TAFA2: variants seen among roughly 807,000 people sequenced by gnomAD.
TAFA2 encodes chemokine-like protein TAFA-2.
A neutral mutation model predicts 18.8 loss-of-function variants in TAFA2; 7 were observed. The observed-to-expected ratio is 0.37, with a 90% confidence interval of 0.21 to 0.70. The LOEUF (loss-of-function observed/expected upper bound fraction) is 0.70, where lower values mean the gene tolerates loss of function less well. Among genes scored for constraint, TAFA2 ranks in the 30% least tolerant of loss-of-function variants. TAFA2 has a pLI of 0.53. For missense variants in TAFA2, 122 were observed against 158.1 expected (o/e 0.77, Z 1.23); for synonymous variants, 60 against 54.2 (o/e 1.11, Z -0.47).
At chr12:62,092,359 G>A (rs1275884617) in intron 1 of TAFA2, among the ~76,000 whole-genome samples, 1 of 151,864 alleles carries the variant, frequency 6.6e-6, no homozygotes, top group Admixed American at 6.6e-5. Context: ...CTCCTTGAAG[G>A]AGTTATTTAA....
At chr12:61,938,295 C>T (rs1185802572) in intron 1 of TAFA2, among the ~76,000 whole-genome samples, 1 of 147,344 alleles carries the variant, frequency 6.8e-6, no homozygotes, top group East Asian at 2.0e-4. Flanking sequence ...ATTAGTAAAA[C>T]CTCCTTAGAA....
chr12:61,935,170 T>A (rs1353349163), intron 1 of TAFA2, among the ~76,000 whole-genome samples: 1 of 152,204 alleles, frequency 6.6e-6, no homozygotes, highest in Admixed American at 6.5e-5. Context: ...TGATGGTATA[T>A]TTTATTTTTA....
chr12:61,720,475 A>G (rs1869846244), intron 4 of TAFA2, among the ~76,000 whole-genome samples: 1 of 152,282 alleles, frequency 6.6e-6, no homozygotes, highest in African/African-American at 2.4e-5. Flanking sequence ...TACGGGCCTC[A>G]CATCAGTTTA....
At chr12:61,740,938 A>G (rs1276142304) in intron 4 of TAFA2, among the ~76,000 whole-genome samples, 2 of 151,890 alleles carry the variant, frequency 1.3e-5, no homozygotes, top group Non-Finnish European at 2.9e-5. Context: ...AACAAGTTCA[A>G]TATTAAACAT....
At chr12:61,822,870 C>T (rs1196767327) in intron 2 of TAFA2, among the ~76,000 whole-genome samples, 1 of 152,066 alleles carries the variant, frequency 6.6e-6, no homozygotes, top group East Asian at 1.9e-4. Flanking sequence ...CTAACATATT[C>T]TTTAAGAAGT....
chr12:61,762,722 AAG>A (rs1030621999), intron 2 of TAFA2, among the ~76,000 whole-genome samples: 3 of 151,644 alleles, frequency 2.0e-5, no homozygotes, highest in African/African-American at 7.3e-5. Context: ...AAATCTACAA[AAG>A]AGAGTAAATT....
At chr12:62,008,632 A>G (rs1158555247) in intron 1 of TAFA2, among the ~76,000 whole-genome samples, 1 of 152,184 alleles carries the variant, frequency 6.6e-6, no homozygotes, top group Non-Finnish European at 1.5e-5. Flanking sequence ...TGAGATGAAC[A>G]CATTTTAGGT....
intron 2 of TAFA2, among the ~76,000 whole-genome samples, chr12:61,821,399 A>T (rs988061858): frequency 1.3e-5 from 2 of 152,204 alleles, no homozygotes; most frequent in South Asian, 4.1e-4. Context: ...ACAATTAAAT[A>T]AAAGTTCTCT....
intron 1 of TAFA2, among the ~76,000 whole-genome samples, chr12:62,208,396 G>T (rs2062700696): frequency 6.6e-6 from 1 of 152,060 alleles, no homozygotes; most frequent in Admixed American, 6.5e-5. Flanking sequence ...TGAACATTAG[G>T]TTCTATGAAT....
chr12:61,842,496 G>A (rs1185825199), intron 2 of TAFA2, among the ~76,000 whole-genome samples: 1 of 151,848 alleles, frequency 6.6e-6, no homozygotes, highest in East Asian at 1.9e-4. Context: ...AGAATAAGAA[G>A]CAAAGTTAAG....
intron 1 of TAFA2, among the ~76,000 whole-genome samples, chr12:62,085,613 A>G (rs1468887292): frequency 6.6e-6 from 1 of 152,154 alleles, no homozygotes; most frequent in Non-Finnish European, 1.5e-5. Context: ...TAAGGATTGG[A>G]GATGGAATGT....
intron 1 of TAFA2, among the ~76,000 whole-genome samples, chr12:62,146,223 A>T (rs528467079): frequency 6.6e-5 from 10 of 151,330 alleles, no homozygotes; most frequent in African/African-American, 2.2e-4. Context: ...TCTCCCATCC[A>T]TATGCCATAC....
chr12:61,829,793 A>G (rs1047830514), intron 2 of TAFA2, among the ~76,000 whole-genome samples: 2 of 151,730 alleles, frequency 1.3e-5, no homozygotes, highest in Non-Finnish European at 3.0e-5. Context: ...CATTGATAAG[A>G]TTTAAAAATC....
At chr12:61,978,350 A>G (rs1215183102) in intron 1 of TAFA2, among the ~76,000 whole-genome samples, 1 of 152,108 alleles carries the variant, frequency 6.6e-6, no homozygotes, top group African/African-American at 2.4e-5. Flanking sequence ...CAGACTTCAT[A>G]TATCTCACCC....
intron 4 of TAFA2, among the ~76,000 whole-genome samples, chr12:61,713,107 C>T (rs942305302): frequency 1.3e-5 from 2 of 152,090 alleles, no homozygotes; most frequent in African/African-American, 4.8e-5. Context: ...TTAAGTTCAG[C>T]CTAAAGGTTT....
Position 62,010,977 on chromosome 12 carries a change from C to T in TAFA2, c.-1-143551G>A, listed in dbSNP as rs1265334682. Among the ~76,000 whole-genome samples the T allele has an allele frequency of 2.9e-5, 4 of 136,682 alleles. 1 individual carries two copies. The highest frequency in any genetic ancestry group is 2.3e-4 in the East Asian group (1 of 4,278). 89.7% of individuals were successfully genotyped at this position (136,682 alleles called of 152,430 possible). On this transcript the variant is annotated intron_variant, in intron 1 of 4. Transcript: ENST00000416284. ...CGCCCTTCGTCTGGGAGGTGGGGGG[C>T]GCCTCTGCCCGGCCACCCCGTCTGG...
chr12:62,189,374 A>T (rs1220543216), intron 1 of TAFA2, among the ~76,000 whole-genome samples: 1 of 152,194 alleles, frequency 6.6e-6, no homozygotes, highest in Non-Finnish European at 1.5e-5. Flanking sequence ...TATAAGCTCC[A>T]GTGTGGTAAC....
At chr12:62,086,493 T>C (rs1331090055) in intron 1 of TAFA2, among the ~76,000 whole-genome samples, 1 of 152,070 alleles carries the variant, frequency 6.6e-6, no homozygotes, top group African/African-American at 2.4e-5. Context: ...AAGACTTGAA[T>C]AGAGATTTCT....
intron 1 of TAFA2, among the ~76,000 whole-genome samples, chr12:62,128,548 C>T (rs1246858253): frequency 6.6e-6 from 1 of 151,818 alleles, no homozygotes; most frequent in African/African-American, 2.4e-5. Context: ...AGCCTTTTAC[C>T]ACGTATATCT....
Sources: gnomAD v4.1 joint callset for allele counts (sites outside exome capture counted in the v4.1 genomes callset) on GRCh38, gnomAD v4.1.1 for gene constraint, MANE v1.5 for transcripts, NCBI Gene and HGNC (gene_info 2026-07-23, HGNC 2026-07-21) for gene names.